The following VWA8 variants were observed in gnomAD, a reference collection of about 807,000 sequenced individuals.
VWA8 encodes von Willebrand factor A domain-containing protein 8.
In VWA8, 221 loss-of-function variants were observed where a neutral mutation model predicts 241.5. The ratio of observed to expected loss-of-function variants is 0.91; its 90% confidence interval spans 0.82 to 1.02. The LOEUF (loss-of-function observed/expected upper bound fraction) is 1.02. Ranked by LOEUF, VWA8 falls within the 50% of genes least tolerant of loss-of-function variation. VWA8 has a pLI of 0.00. For missense variants in VWA8, 2,322 were observed against 2,328.7 expected, an observed-to-expected ratio of 1.00 and a Z score of 0.06; for synonymous variants, 852 against 827.1, an observed-to-expected ratio of 1.03 and a Z score of -0.52.
chr13:41,651,798 C>T (rs1484283356), intron 37 of VWA8, among the ~76,000 whole-genome samples: 2 of 152,046 alleles, frequency 1.3e-5, no homozygotes, highest in Admixed American at 1.3e-4. Context: ...CTTAGGGAAC[C>T]TAAGGGACTC....
chr13:41,936,552 A>T (rs1409806395), intron 2 of VWA8, among the ~76,000 whole-genome samples: 1 of 152,178 alleles, frequency 6.6e-6, no homozygotes, highest in African/African-American at 2.4e-5. Context: ...TGCCACATGG[A>T]TCCACAGAAG....
At chr13:41,781,717 G>T (rs558275261) in intron 19 of VWA8, among the ~76,000 whole-genome samples, 1 of 152,210 alleles carries the variant, frequency 6.6e-6, no homozygotes, top group African/African-American at 2.4e-5. Context: ...TTAATGGAAG[G>T]CTTAATGAAG....
At chr13:41,733,159 C>T (rs2045498511) in intron 21 of VWA8, among the ~76,000 whole-genome samples, 1 of 152,016 alleles carries the variant, frequency 6.6e-6, no homozygotes. Flanking sequence ...AAATGTACAC[C>T]AAATGCCAAA....
chr13:41,597,114 G>A (rs1298496133), intron 40 of VWA8, among the ~76,000 whole-genome samples: 1 of 152,026 alleles, frequency 6.6e-6, no homozygotes, highest in Admixed American at 6.6e-5. Flanking sequence ...AAAGCCTACA[G>A]GATCATCAAG....
chr13:41,887,596 A>T (rs1233828504), intron 5 of VWA8, among the ~76,000 whole-genome samples: 2 of 152,198 alleles, frequency 1.3e-5, no homozygotes, highest in African/African-American at 4.8e-5. Context: ...ACACCAAGGA[A>T]TAAAGGAGAC....
At chr13:41,707,959 T>A (rs1299189410) in intron 26 of VWA8, among the ~76,000 whole-genome samples, 1 of 152,192 alleles carries the variant, frequency 6.6e-6, no homozygotes, top group Admixed American at 6.5e-5. Context: ...CTAGAAACTC[T>A]TAGAATAAAT....
chr13:41,804,611 A>C (rs1420420978), intron 17 of VWA8, among the ~76,000 whole-genome samples: 1 of 152,196 alleles, frequency 6.6e-6, no homozygotes, highest in Non-Finnish European at 1.5e-5. Context: ...TATACAGAAA[A>C]AGACAGAATG....
chr13:41,856,168 GCTAC>G (rs1359820867), intron 12 of VWA8, among the ~76,000 whole-genome samples: 1 of 151,618 alleles, frequency 6.6e-6, no homozygotes, highest in Non-Finnish European at 1.5e-5. Flanking sequence ...AAACCCCATC[GCTAC>G]TAAAAATACA....
At chr13:41,771,886 CTTT>C (rs10639837) in intron 20 of VWA8, among the ~76,000 whole-genome samples, 3 of 100,274 alleles carry the variant, frequency 3.0e-5, no homozygotes, top group Non-Finnish European at 3.9e-5. Context: ...CCAGCAGGGA[CTTT>C]TTTTTTTTTT....
intron 40 of VWA8, among the ~76,000 whole-genome samples, chr13:41,602,208 T>C (rs1412340502): frequency 6.6e-6 from 1 of 152,080 alleles, no homozygotes; most frequent in Non-Finnish European, 1.5e-5. Flanking sequence ...TAAAAATAGA[T>C]TCAATAAGGA....
chr13:41,871,833 G>C (rs1351489128), intron 9 of VWA8, among the ~76,000 whole-genome samples: 1 of 152,208 alleles, frequency 6.6e-6, no homozygotes, highest in Non-Finnish European at 1.5e-5. Context: ...TAATGGGATG[G>C]CTGGGTCAAA....
intron 40 of VWA8, among the ~76,000 whole-genome samples, chr13:41,597,952 C>G (rs2044498849): frequency 6.6e-6 from 1 of 152,046 alleles, no homozygotes. Flanking sequence ...CATGCCTAGC[C>G]TTAGTCCTGT....
At chr13:41,603,529 T>A (rs2139655446) in intron 40 of VWA8, among the ~76,000 whole-genome samples, 1 of 152,288 alleles carries the variant, frequency 6.6e-6, no homozygotes, top group East Asian at 1.9e-4. Flanking sequence ...ATACCTTCAA[T>A]TAAAAATGTA....
intron 21 of VWA8, among the ~76,000 whole-genome samples, chr13:41,759,232 T>A (rs1157270726): frequency 6.6e-6 from 1 of 151,608 alleles, no homozygotes. Context: ...ATACTGATAT[T>A]TTTTTTCTTT....
chr13:41,650,114 T>C (rs2044860035), intron 37 of VWA8, among the ~76,000 whole-genome samples: 1 of 152,228 alleles, frequency 6.6e-6, no homozygotes, highest in African/African-American at 2.4e-5. Context: ...CTTTAATCTA[T>C]AATAGATAAT....
intron 10 of VWA8, 127 bp downstream of exon 10, chr13:41,868,219 T>A: frequency 2.8e-6 from 3 of 1,063,138 alleles, no homozygotes; most frequent in Non-Finnish European, 4.2e-6. Context: ...GACATAGACA[T>A]ATAGATACCG....
At chr13:41,587,431 T>C (rs2044425767) in intron 42 of VWA8, 81 bp downstream of exon 42, 4 of 1,553,838 alleles carry the variant, frequency 2.6e-6, no homozygotes, top group Non-Finnish European at 3.5e-6. Context: ...AGATTTTCAT[T>C]CACTCTGGAT....
chr13:41,879,194 CAG>C (rs1055885102), intron 9 of VWA8, among the ~76,000 whole-genome samples: 4 of 152,200 alleles, frequency 2.6e-5, no homozygotes, highest in African/African-American at 9.6e-5. Flanking sequence ...TCTTTTTCCC[CAG>C]CACCTGGAAT....
At chr13:41,834,984 GA>G (rs1871650920) in intron 12 of VWA8, among the ~76,000 whole-genome samples, 1 of 152,116 alleles carries the variant, frequency 6.6e-6, no homozygotes, top group Non-Finnish European at 1.5e-5. Context: ...CCCAGGAACA[GA>G]AAACCAAATA....
Sources: allele counts gnomAD v4.1 joint callset (sites outside exome capture counted in the v4.1 genomes callset), GRCh38; gene constraint gnomAD v4.1.1; transcripts MANE v1.5; gene names NCBI Gene and HGNC (gene_info 2026-07-23, HGNC 2026-07-21).